Variants in SMARCC2 observed in about 807,000 individuals in gnomAD.
SMARCC2 encodes the protein SWI/SNF related BAF chromatin remodeling complex subunit C2.
SMARCC2 carries 15 observed loss-of-function variants against 151.3 expected under a neutral mutation model. The ratio of observed to expected loss-of-function variants is 0.10; its 90% confidence interval spans 0.07 to 0.15. The LOEUF is 0.15. Among genes scored for constraint, SMARCC2 ranks in the 10% least tolerant of loss-of-function variants. The pLI is 1.00. For synonymous variants in SMARCC2, 590 were observed against 609.5 expected (o/e 0.97, Z 0.47); for missense variants, 1,031 against 1,599.7 (o/e 0.64, Z 6.06).
chr12:56,173,561 T>A (rs1311066789), intron 17 of SMARCC2, 135 bp downstream of exon 17: 5 of 769,166 alleles, frequency 6.5e-6, no homozygotes, highest in Non-Finnish European at 1.1e-5. Context: ...CTGATTCCCG[T>A]GACCCTTTGC....
chr12:56,177,924 G>T, intron 15 of SMARCC2, 98 bp downstream of exon 15: 2 of 851,392 alleles, frequency 2.3e-6, no homozygotes, highest in Non-Finnish European at 3.8e-6. Context: ...CATGGAAGAT[G>T]CTCAAGAAAT....
chr12:56,178,933 G>C, intron 12 of SMARCC2, 64 bp downstream of exon 12: 3 of 1,602,350 alleles, frequency 1.9e-6, no homozygotes, highest in East Asian at 2.2e-5. Flanking sequence ...TAGCGAAAAG[G>C]GGGCAGCTGA....
intron 11 of SMARCC2, among the ~76,000 whole-genome samples, chr12:56,179,912 C>CT (rs1875804441): frequency 6.6e-6 from 1 of 152,102 alleles, no homozygotes; most frequent in South Asian, 2.1e-4. Context: ...GTCTTGATCT[C>CT]TTGACCTCGT....
intron 6 of SMARCC2, 54 bp from the exon 7 acceptor site, chr12:56,183,984 A>C (rs1444113409): frequency 5.0e-6 from 7 of 1,390,828 alleles, no homozygotes; most frequent in Non-Finnish European, 7.1e-6. Context: ...GACACAAAAA[A>C]AATACTGTAC....
rs1592322121 is a variant in SMARCC2 at position 56,184,088 on chromosome 12, G to A, written c.562+87C>T. The stretch of plus-strand genomic sequence containing the variant: ...AGGATTCAAGATTGAAAGAAGAGGA[G>A]GAGCCCAGGTACTGAATGGTGATCT... On this transcript the variant is annotated intron_variant, in intron 6 of 28. Transcript: ENST00000550164. 25 of 1,102,098 alleles carry A rather than the reference G, an allele frequency of 2.3e-5. No individual in the cohort carries two copies. The East Asian group carries it at 5.3e-4, about 23-fold the overall frequency. 68.3% of individuals were successfully genotyped at this position (1,102,098 alleles called of 1,614,324 possible).
At chr12:56,170,724 C>CTTT (rs36061638) in intron 22 of SMARCC2, among the ~76,000 whole-genome samples, 39 of 90,900 alleles carry the variant, frequency 4.3e-4, no homozygotes, top group African/African-American at 6.7e-4. Context: ...CTTCACAAGA[C>CTTT]TTTTTTTTTT....
At chr12:56,177,000 T>G (rs1380258417) in intron 15 of SMARCC2, among the ~76,000 whole-genome samples, 2 of 152,090 alleles carry the variant, frequency 1.3e-5, no homozygotes, top group Non-Finnish European at 2.9e-5. Flanking sequence ...TTTGTATTTT[T>G]AGTAGAGACG....
At chr12:56,172,512 G>A in intron 19 of SMARCC2, 22 bp from the exon 20 acceptor site, 1 of 1,608,300 alleles carries the variant, frequency 6.2e-7, no homozygotes, top group Non-Finnish European at 8.5e-7. Context: ...ACACAGGCAG[G>A]TGAGAAGAAA....
In SMARCC2 at chr12:56,165,617, C is replaced by T. The variant is rs1282114828; in HGVS notation, c.2933G>A (p.Arg978Gln). Reference sequence around the variant, plus strand: ...GTGCATCTGTTGGAAGTGCTGCTGCCGAGCCCTCATCTCCGCATACTTCAG... The same window carrying T: ...GTGCATCTGTTGGAAGTGCTGCTGCTGAGCCCTCATCTCCGCATACTTCAG... ...EQLKYAEMRARQQHFQQMHQQ... is the reference protein window; with the variant it reads ...EQLKYAEMRAQQQHFQQMHQQ... Residue 978 changes from arginine (R) to glutamine (Q), a missense_variant, in exon 27 of 29, where the codon CGG becomes CAG. Physicochemically the swap from Arg to Gln is conservative, Grantham distance 43. Transcript: ENST00000550164. 1.9e-6 allele frequency: 3 copies of T among 1,613,676 alleles called. No homozygotes were observed. The highest frequency in any genetic ancestry group is 2.2e-5 in the East Asian group (1 of 44,892).
rs1251237282 is a variant in SMARCC2, at chr12:56,171,984, C to T, written c.1927-47G>A. The T allele has an allele frequency of 6.5e-7, 1 of 1,543,626 alleles. No homozygotes were observed. On this transcript the variant is annotated intron_variant, in intron 20 of 28. Transcript: ENST00000550164. This position sits in a 1 kb window ranked among gnomAD's most constrained non-coding sequence, Gnocchi z 4.2. ...TAACTCCGCTTACTTAGCCACTTTTCTCGAAGGCTGACTCCCCCCATCCTA... is the reference window on the plus strand; with the variant it reads ...TAACTCCGCTTACTTAGCCACTTTTTTCGAAGGCTGACTCCCCCCATCCTA...
At position 56,172,445 on chromosome 12, in the gene SMARCC2, T is replaced by C; in HGVS notation, c.1909A>G (p.Thr637Ala). The C allele has an allele frequency of 6.4e-7, 1 of 1,572,604 alleles. No individual in the cohort carries two copies. The highest frequency in any genetic ancestry group is 2.0e-5 in the Admixed American group (1 of 51,190). Residue 637 changes from threonine to alanine, a missense_variant, in exon 20 of 29, where the codon ACC (threonine) becomes GCC (alanine). Thr to Ala is a moderately conservative substitution (Grantham distance 58). Coordinates refer to ENST00000550164, the MANE Select transcript of SMARCC2 (RefSeq NM_001330288.2). ...CCAATTACCTCCAGGAGAAGCAGGG[T>C]TTCCTGTTCTGTCCACTCACGAGTG... is the stretch of plus-strand genomic sequence containing the variant. Reference protein sequence around the residue: ...SATREWTEQETLLLLEALEMY... With the variant: ...SATREWTEQEALLLLEALEMY...
intron 7 of SMARCC2, chr12:56,183,417 C>T (rs1438153926): frequency 3.3e-5 from 5 of 153,720 alleles, no homozygotes; most frequent in Admixed American, 3.2e-4. Context: ...ATCCGCCTGC[C>T]TTGGCCTCCC....
chr12:56,170,206 C>T lies in SMARCC2; in HGVS notation c.2350G>A (p.Glu784Lys), dbSNP rs1301626219. 2 of 1,613,358 alleles carry T rather than the reference C, an allele frequency of 1.2e-6. No individual in the cohort carries two copies. Among genetic ancestry groups the T allele is most frequent in the Non-Finnish European group, 1.7e-6 (2 of 1,179,410 alleles). The change falls in exon 23 of 29, where the codon GAG becomes AAG. Residue 784 changes from glutamate to lysine, a missense_variant and splice_region_variant. Physicochemically the swap from Glu to Lys is moderately conservative, Grantham distance 56. Coordinates refer to ENST00000550164, the MANE Select transcript of SMARCC2 (RefSeq NM_001330288.2). ...TTSDEPERIE[E>K]SGNDEARVEG... The stretch of plus-strand genomic sequence containing the variant: ...ACCCGAGCCTCGTCATTCCCGCTCT[C>T]CTCTGGGCCCATGAGAAAAGAAAGA...
In SMARCC2 at chr12:56,162,398, G is replaced by GA. The variant is rs1159541617; in HGVS notation, c.*1290dup. 10 of 611,690 alleles carry GA rather than the reference G, an allele frequency of 1.6e-5. No individual in the cohort carries two copies. The highest frequency in any genetic ancestry group is 2.6e-5 in the Non-Finnish European group (9 of 348,872). The allele number at this position is 611,690 out of a possible 1,614,324, so 37.9% of individuals were successfully genotyped here. A position where few individuals can be genotyped will look rare whatever the true frequency, so the allele number is the denominator to read the frequency against. ...AATTAATTTATAAAAAAAAAAAAAA[G>GA]AAAGAAAGAAAAAAAGAGAAAATTT... On this transcript the variant is annotated 3_prime_UTR_variant, in exon 29 of 29. Coordinates refer to ENST00000550164, the MANE Select transcript of SMARCC2 (RefSeq NM_001330288.2).
chr12:56,187,047 T>C, intron 2 of SMARCC2, 140 bp downstream of exon 2: 2 of 760,052 alleles, frequency 2.6e-6, no homozygotes, highest in Admixed American at 2.9e-5. Context: ...AATAATGCCC[T>C]GATCAGGGAT....
intron 15 of SMARCC2, among the ~76,000 whole-genome samples, chr12:56,177,820 T>C (rs1004363258): frequency 6.6e-6 from 1 of 152,242 alleles, no homozygotes; most frequent in Non-Finnish European, 1.5e-5. Context: ...ATATCACCCT[T>C]GGGCAAATCC....
chr12:56,178,943 A>G, intron 12 of SMARCC2, 54 bp downstream of exon 12: 1 of 1,601,194 alleles, frequency 6.2e-7, no homozygotes, highest in Non-Finnish European at 8.6e-7. Flanking sequence ...GGGGCAGCTG[A>G]GCCCTCCCCT....
rs1169361080 is a variant in SMARCC2, at chr12:56,162,631, C to T, written c.*1058G>A. On this transcript the variant is annotated 3_prime_UTR_variant, in exon 29 of 29. Coordinates refer to ENST00000550164, the MANE Select transcript of SMARCC2 (RefSeq NM_001330288.2). ...TTGAGCTGCGAGCCAAGGGTTGGTC[C>T]AACCCAAGGTTGGGCACCCTCTTCC... 3.1e-6 allele frequency: 1 copy of T among 326,868 alleles called. No individual in the cohort carries two copies. Among genetic ancestry groups the T allele is most frequent in the Non-Finnish European group, 5.6e-6 (1 of 177,970 alleles). The allele number at this position is 326,868 out of a possible 1,614,324, so 20.2% of individuals were successfully genotyped here.
chr12:56,169,630 A>G lies in SMARCC2; in HGVS notation c.2614T>C (p.Ser872Pro), dbSNP rs375388491. ...QEEVLKEVVE[S>P]EGERKTKVER... ...ACCTTTGTCTTCCTTTCCCCCTCAG[A>G]CTCCACCACTTCCTTCAGCACTTCC... is the stretch of plus-strand genomic sequence containing the variant. Residue 872 changes from serine to proline, a missense_variant, in exon 25 of 29, where the codon TCT (serine) becomes CCT (proline). Physicochemically the swap from Ser to Pro is moderately conservative, Grantham distance 74. Transcript: ENST00000550164. The G allele has an allele frequency of 2.5e-6, 4 of 1,613,296 alleles. No homozygotes were observed. In the African/African-American group the frequency reaches 4.0e-5, roughly 16 times the overall value.
Sources: allele counts gnomAD v4.1 joint callset (sites outside exome capture counted in the v4.1 genomes callset), GRCh38; gene constraint gnomAD v4.1.1; non-coding constraint Gnocchi (gnomAD v3.1); transcripts MANE v1.5; gene names NCBI Gene and HGNC (gene_info 2026-07-23, HGNC 2026-07-21).